ANK2: variants seen among roughly 807,000 people sequenced by gnomAD.
ANK2 encodes the protein ankyrin 2, also known as ankyrin-2.
Under a neutral mutation model 360.5 loss-of-function variants are expected in ANK2, and 83 were observed. The ratio of observed to expected loss-of-function variants is 0.23; its 90% CI spans 0.19 to 0.28. The LOEUF is 0.28. ANK2 is among the 10% of genes least tolerant of loss of function. ANK2 has a pLI of 1.00. For synonymous variants in ANK2, 1,740 were observed against 1,759.5 expected (o/e 0.99, Z 0.28); for missense variants, 4,201 against 4,795.7 (o/e 0.88, Z 3.66).
intron 1 of ANK2, among the ~76,000 whole-genome samples, chr4:113,161,827 G>A (rs1334600184): frequency 6.6e-6 from 1 of 151,824 alleles, no homozygotes; most frequent in East Asian, 1.9e-4. Flanking sequence ...TCCCTTCCAG[G>A]GGCATTACAA....
intron 1 of ANK2, among the ~76,000 whole-genome samples, chr4:113,158,202 A>G (rs2097372062): frequency 6.6e-6 from 1 of 152,226 alleles, no homozygotes; most frequent in Admixed American, 6.5e-5. Context: ...TCAGTGAGGA[A>G]TCACTGAAAC....
chr4:113,187,103 T>C (rs536060984), intron 2 of ANK2, among the ~76,000 whole-genome samples: 1 of 150,188 alleles, frequency 6.7e-6, no homozygotes, highest in African/African-American at 2.5e-5. Context: ...AAAAGAAAGC[T>C]CTTTATGCAG....
the ANK2 span, among the ~76,000 whole-genome samples, chr4:112,735,604 G>C: frequency 6.6e-6 from 1 of 152,266 alleles, no homozygotes; most frequent in East Asian, 1.9e-4. Context: ...AGACACCAGT[G>C]AATCTCTCAT....
the ANK2 span, among the ~76,000 whole-genome samples, chr4:112,795,043 T>C: frequency 6.6e-6 from 1 of 152,242 alleles, no homozygotes; most frequent in Non-Finnish European, 1.5e-5. Flanking sequence ...TAATTTTTAA[T>C]TTTCTCTCTC....
intron 2 of ANK2, among the ~76,000 whole-genome samples, chr4:112,907,018 C>T (rs181166950): frequency 2.5e-4 from 38 of 152,224 alleles, no homozygotes; most frequent in Non-Finnish European, 5.0e-4. Context: ...ATTTTCATGG[C>T]AAAATTTAAG....
In ANK2 at chr4:113,258,417, T is replaced by A; in HGVS notation, c.1386+6T>A. On this transcript the variant is annotated splice_donor_region_variant and intron_variant, in intron 13 of 45. Transcript: ENST00000357077. The stretch of plus-strand genomic sequence containing the variant: ...CTCCAGATGTCACTAACATTGTGAG[T>A]ATGGCTTGGGTCAGAATAACCCCAG... The A allele has an allele frequency of 6.2e-7, 1 of 1,611,222 alleles. No homozygotes were observed. The highest frequency in any genetic ancestry group is 8.5e-7 in the Non-Finnish European group (1 of 1,177,476).
chr4:113,123,594 A>G (rs1161547207), intron 1 of ANK2, among the ~76,000 whole-genome samples: 1 of 152,142 alleles, frequency 6.6e-6, no homozygotes, highest in East Asian at 1.9e-4. Flanking sequence ...TTTGAGTGTG[A>G]CCCTTTTGCT....
At chr4:113,320,655 C>CA (rs142477788) in intron 26 of ANK2, among the ~76,000 whole-genome samples, 1,675 of 150,764 alleles carry the variant, frequency 0.011, 31 homozygotes, top group African/African-American at 0.036. Flanking sequence ...ACTCCATCTC[C>CA]AAAAAAAACA....
At chr4:112,980,424 C>A (rs1282351433) in intron 2 of ANK2, 1 of 152,294 alleles carries the variant, frequency 6.6e-6, no homozygotes, top group African/African-American at 2.4e-5. Context: ...CTGTTCTGGG[C>A]TCCCTCTGGC....
At chr4:112,824,142 T>G (rs944652050) in intron 1 of ANK2, among the ~76,000 whole-genome samples, 7 of 120,514 alleles carry the variant, frequency 5.8e-5, no homozygotes, top group Non-Finnish European at 1.2e-4. Context: ...TCAGCATCTA[T>G]CTATCTATCT....
At position 113,358,841 on chromosome 4, in the gene ANK2, G is replaced by A. The variant is rs759274800; in HGVS notation, c.10223G>A (p.Arg3408Gln). 1.2e-5 allele frequency: 19 copies of A among 1,613,926 alleles called. No homozygotes were observed. Among genetic ancestry groups the A allele is most frequent in the African/African-American group, 2.7e-5 (2 of 74,898 alleles). The change falls in exon 38 of 46, where the codon CGA becomes CAA. Residue 3408 changes from arginine (R) to glutamine (Q), a missense_variant. This residue lies in a region of ANK2 where 2,642 missense variants were observed against 2,714.5 expected (regional missense o/e 0.97). Coordinates refer to ENST00000357077, the MANE Select transcript of ANK2 (RefSeq NM_001148.6). ...AAGACCAAATGCCCAGTAAAAACCC[G>A]AAGTTACACTGAGACAGAAACAGAG... ...DSKTKCPVKT[R>Q]SYTETETESR...
At chr4:112,708,042 TCTACCTGATTCATCCAGTCAGGTG>T in the ANK2 span, among the ~76,000 whole-genome samples, 1 of 152,208 alleles carries the variant, frequency 6.6e-6, no homozygotes, top group Non-Finnish European at 1.5e-5. Flanking sequence ...GTCCTTCCAG[TCTACCTGATTCATCCAGTCAGGTG>T]GAACAGAAGT....
intron 1 of ANK2, among the ~76,000 whole-genome samples, chr4:112,841,544 AACTGTGG>A (rs1303792066): frequency 1.3e-5 from 2 of 152,186 alleles, no homozygotes; most frequent in Non-Finnish European, 2.9e-5. Flanking sequence ...TCAGAAGGAA[AACTGTGG>A]ACTGTGAGAT....
rs764478307 is a variant in ANK2 at position 113,356,451 on chromosome 4, C to T, written c.7833C>T (p.Tyr2611=). The T allele has an allele frequency of 1.2e-6, 2 of 1,614,024 alleles. No individual in the cohort carries two copies. Among genetic ancestry groups the T allele is most frequent in the East Asian group, 2.2e-5 (1 of 44,872 alleles). The change falls in exon 38 of 46, where the codon TAC becomes TAT. Residue 2611 remains tyrosine, a synonymous_variant. Transcript: ENST00000357077. Reference sequence around the variant, plus strand: ...AAGAAGCAAAGCAGAAAAGGGACTACAAAAAAGAACCCAAACAAGAAGAAT... The same window carrying T: ...AAGAAGCAAAGCAGAAAAGGGACTATAAAAAAGAACCCAAACAAGAAGAAT... ...LEQEAKQKRD[Y]KKEPKQEESS...
intron 1 of ANK2, among the ~76,000 whole-genome samples, chr4:113,119,160 C>G (rs1009573035): frequency 6.6e-6 from 1 of 152,124 alleles, no homozygotes; most frequent in African/African-American, 2.4e-5. Flanking sequence ...ACAGGATCAT[C>G]TGGTCTTCAC....
chr4:112,981,861 G>T (rs575879008), intron 2 of ANK2, among the ~76,000 whole-genome samples: 1 of 152,190 alleles, frequency 6.6e-6, no homozygotes, highest in East Asian at 1.9e-4. Flanking sequence ...ATTGTGTGGG[G>T]GCCAGATTTT....
chr4:112,880,720 C>G (rs1164664575), intron 1 of ANK2: 1 of 152,154 alleles, frequency 6.6e-6, no homozygotes, highest in Non-Finnish European at 1.5e-5. Flanking sequence ...TCTTCTGTGT[C>G]CTCTGATCCT....
chr4:113,068,080 C>G (rs998395639), intron 1 of ANK2, among the ~76,000 whole-genome samples: 1 of 152,170 alleles, frequency 6.6e-6, no homozygotes, highest in African/African-American at 2.4e-5. Flanking sequence ...TAGCATCTCT[C>G]TCTATGGCAT....
intron 9 of ANK2, among the ~76,000 whole-genome samples, chr4:113,243,861 G>C (rs2041365926): frequency 6.6e-6 from 1 of 152,052 alleles, no homozygotes; most frequent in South Asian, 2.1e-4. Flanking sequence ...TTTTGGAAAT[G>C]CAAAAAAATT....
Sources: allele counts gnomAD v4.1 joint callset (sites outside exome capture counted in the v4.1 genomes callset), GRCh38; gene constraint gnomAD v4.1.1; regional missense constraint gnomAD v4.1.1; transcripts MANE v1.5; gene names NCBI Gene and HGNC (gene_info 2026-07-23, HGNC 2026-07-21).